GRIP1: variants seen among roughly 807,000 people sequenced by gnomAD.
The protein encoded by GRIP1 is glutamate receptor interacting protein 1.
In GRIP1, 45 loss-of-function variants were observed where a neutral mutation model predicts 129.9. That is an observed-to-expected ratio of 0.35 (90% CI 0.27 to 0.44). The LOEUF is 0.44. GRIP1 is among the 20% of genes least tolerant of loss of function. GRIP1 has a pLI of 1.00. For missense variants in GRIP1, 1,196 were observed against 1,396.8 expected (o/e 0.86, Z 2.29); for synonymous variants, 530 against 520.8 (o/e 1.02, Z -0.24).
chr12:66,499,986 G>C (rs1023424691), intron 7 of GRIP1, among the ~76,000 whole-genome samples: 1 of 152,116 alleles, frequency 6.6e-6, no homozygotes, highest in Non-Finnish European at 1.5e-5. Flanking sequence ...CTGGGCGACA[G>C]AGCCAAGATC....
intron 13 of GRIP1, among the ~76,000 whole-genome samples, chr12:66,443,931 T>A (rs189950135): frequency 2.6e-5 from 4 of 152,334 alleles, no homozygotes; most frequent in Admixed American, 2.6e-4. Context: ...GTTTCATGTG[T>A]TCTTTGCAGT....
In GRIP1 at chr12:66,528,466, G is replaced by T. The variant is rs181220255; in HGVS notation, c.502+1365C>A. Among the ~76,000 whole-genome samples the T allele has an allele frequency of 1.5e-3, 231 of 152,178 alleles. 2 individuals carry two copies. The highest frequency in any genetic ancestry group is 5.3e-3 in the African/African-American group (221 of 41,530). Reference sequence around the variant, plus strand: ...ATTAGTAGTTTTATGATAAGTTGGAGTCACCTGAAATTGTTATTATCAATG... The same window carrying T: ...ATTAGTAGTTTTATGATAAGTTGGATTCACCTGAAATTGTTATTATCAATG... On this transcript the variant is annotated intron_variant, in intron 5 of 24. Transcript: ENST00000359742.
At chr12:66,999,149 T>A (rs1476032052) in intron 1 of GRIP1, among the ~76,000 whole-genome samples, 1 of 152,184 alleles carries the variant, frequency 6.6e-6, no homozygotes, top group East Asian at 1.9e-4. Flanking sequence ...TCTGTCTTGT[T>A]CATACCTACA....
intron 1 of GRIP1, among the ~76,000 whole-genome samples, chr12:66,766,245 T>C (rs995443906): frequency 6.6e-6 from 1 of 152,126 alleles, no homozygotes; most frequent in Admixed American, 6.5e-5. Flanking sequence ...CGACCAGGAA[T>C]GGTAGAGATA....
At chr12:66,910,011 G>T (rs1323292478) in intron 1 of GRIP1, among the ~76,000 whole-genome samples, 1 of 152,048 alleles carries the variant, frequency 6.6e-6, no homozygotes, top group Non-Finnish European at 1.5e-5. Flanking sequence ...TTCTGTCTCT[G>T]GTCAGTGCAT....
chr12:66,709,897 T>C (rs558678780), intron 1 of GRIP1, among the ~76,000 whole-genome samples: 1 of 152,116 alleles, frequency 6.6e-6, no homozygotes, highest in Admixed American at 6.6e-5. Context: ...GCTATTTAGG[T>C]ATTTTGTAGA....
At position 67,012,345 on chromosome 12, in the gene GRIP1, GCA is replaced by G. The variant is rs548867483; in HGVS notation, c.58+56703_58+56704del. Among the ~76,000 whole-genome samples, 123 of 152,214 alleles carry G rather than the reference GCA, an allele frequency of 8.1e-4. 2 individuals carry two copies. Among genetic ancestry groups the G allele is most frequent in the African/African-American group, 2.8e-3 (118 of 41,542 alleles). On this transcript the variant is annotated intron_variant, in intron 1 of 1. Transcript: ENST00000643019. ...AAGAATTAGAACTGACCAAAAATAT[GCA>G]CAGACTGCCTTCTGAGACAGTGGGA...
chr12:66,484,457 G>A (rs1403078323), intron 7 of GRIP1, among the ~76,000 whole-genome samples: 2 of 152,074 alleles, frequency 1.3e-5, no homozygotes, highest in East Asian at 1.9e-4. Flanking sequence ...ATAGGTGAAT[G>A]GATAAAGAAA....
chr12:66,422,009 T>C (rs879601497), intron 14 of GRIP1, among the ~76,000 whole-genome samples: 2 of 152,130 alleles, frequency 1.3e-5, no homozygotes, highest in Admixed American at 6.5e-5. Context: ...CAAGAGGAGA[T>C]ATTTTGCCAA....
At chr12:67,054,873 A>C (rs1350011678) in intron 1 of GRIP1, among the ~76,000 whole-genome samples, 1 of 152,142 alleles carries the variant, frequency 6.6e-6, no homozygotes, top group East Asian at 1.9e-4. Context: ...AGGAGGAGGA[A>C]AAGCAGCATA....
chr12:66,828,973 A>G (rs1490053434), intron 1 of GRIP1, among the ~76,000 whole-genome samples: 1 of 152,176 alleles, frequency 6.6e-6, no homozygotes, highest in Non-Finnish European at 1.5e-5. Flanking sequence ...ATCATTTCAG[A>G]GAGACTTCTC....
intron 1 of GRIP1, among the ~76,000 whole-genome samples, chr12:67,023,298 C>T (rs77130029): frequency 0.012 from 1,823 of 152,256 alleles, 43 homozygotes; most frequent in African/African-American, 0.041. Context: ...TTTGAGTTAA[C>T]TTTTTAATAA....
intron 1 of GRIP1, among the ~76,000 whole-genome samples, chr12:66,894,137 C>T (rs973510070): frequency 3.3e-5 from 5 of 152,190 alleles, no homozygotes; most frequent in Admixed American, 1.3e-4. Context: ...AACTAAAGTA[C>T]CTCCCTTTCC....
chr12:66,882,357 T>C (rs1305632208), intron 1 of GRIP1, among the ~76,000 whole-genome samples: 1 of 152,060 alleles, frequency 6.6e-6, no homozygotes, highest in African/African-American at 2.4e-5. Flanking sequence ...GACTCCAAGA[T>C]CACCAGAGAA....
chr12:66,568,866 C>T lies in GRIP1; in HGVS notation c.137-26916G>A, dbSNP rs2062857736. The T allele has an allele frequency of 6.5e-6, 3 of 463,634 alleles. No homozygotes were observed. The Admixed American group carries it at 7.2e-5, about 11-fold the overall frequency. 28.7% of individuals were successfully genotyped at this position (463,634 alleles called of 1,614,324 possible). ...AGGTCCAACTGGTCAGGAAGATGAA[C>T]TCTGCTCTGTCTTATGCAGTTGAGT... On this transcript the variant is annotated intron_variant, in intron 2 of 24. Transcript: ENST00000359742.
At chr12:66,980,119 C>T (rs889596595) in intron 1 of GRIP1, among the ~76,000 whole-genome samples, 1 of 152,124 alleles carries the variant, frequency 6.6e-6, no homozygotes, top group Admixed American at 6.6e-5. Flanking sequence ...TCTGGTACCA[C>T]GCACTAAGTC....
At chr12:66,492,817 C>A (rs2060137980) in intron 7 of GRIP1, among the ~76,000 whole-genome samples, 1 of 152,080 alleles carries the variant, frequency 6.6e-6, no homozygotes, top group South Asian at 2.1e-4. Flanking sequence ...CAAGACCAGC[C>A]TGGCCAACAT....
chr12:67,037,102 T>A (rs774395), intron 1 of GRIP1, among the ~76,000 whole-genome samples: 1 of 151,644 alleles, frequency 6.6e-6, no homozygotes, highest in Non-Finnish European at 1.5e-5. Context: ...AAGGCCAAGG[T>A]GGGTGGATCA....
chr12:66,611,812 A>G (rs893474632), intron 1 of GRIP1, among the ~76,000 whole-genome samples: 1 of 152,184 alleles, frequency 6.6e-6, no homozygotes, highest in Non-Finnish European at 1.5e-5. Context: ...GGTTTATACA[A>G]CAGAGTGCAT....
Sources: allele counts gnomAD v4.1 joint callset (sites outside exome capture counted in the v4.1 genomes callset), GRCh38; gene constraint gnomAD v4.1.1; transcripts MANE v1.5; gene names NCBI Gene and HGNC (gene_info 2026-07-23, HGNC 2026-07-21).